The following ADCY3 variants were observed in gnomAD, a reference collection of about 807,000 sequenced individuals.
The protein encoded by ADCY3 is adenylate cyclase 3.
ADCY3 carries 70 observed loss-of-function variants against 119.4 expected under a neutral mutation model. That is an observed-to-expected ratio of 0.59 (90% CI 0.48 to 0.72). ADCY3 has a LOEUF of 0.72. Ranked by LOEUF, ADCY3 falls within the 30% of genes least tolerant of loss-of-function variation. ADCY3 has a pLI of 0.00. For synonymous variants in ADCY3, 672 were observed against 621.4 expected, an observed-to-expected ratio of 1.08 and a Z score of -1.21; for missense variants, 1,238 against 1,541.6, an observed-to-expected ratio of 0.80 and a Z score of 3.30.
At chr2:24,830,647 A>T in intron 13 of ADCY3, 62 bp downstream of exon 13, 1 of 1,362,412 alleles carries the variant, frequency 7.3e-7, no homozygotes, top group Non-Finnish European at 1.0e-6. Context: ...GTGTGACCCA[A>T]ACAGAAGCCC....
intron 21 of ADCY3, 143 bp downstream of exon 21, chr2:24,820,581 T>A (rs914368889): frequency 6.8e-7 from 1 of 1,466,848 alleles, no homozygotes; most frequent in Non-Finnish European, 9.1e-7. Flanking sequence ...ATTGCAGAGA[T>A]TCTTTTCCAC....
intron 3 of ADCY3, among the ~76,000 whole-genome samples, chr2:24,871,295 C>T (rs1410923110): frequency 6.6e-6 from 1 of 152,164 alleles, no homozygotes; most frequent in African/African-American, 2.4e-5. Flanking sequence ...TATACACAGG[C>T]CACAGCAGCT....
At chr2:24,833,970 G>A (rs1474935418) in intron 11 of ADCY3, among the ~76,000 whole-genome samples, 4 of 152,384 alleles carry the variant, frequency 2.6e-5, no homozygotes, top group Non-Finnish European at 5.9e-5. Flanking sequence ...GAGAACAAGA[G>A]AGTGGTCGTC....
At chr2:24,846,599 A>G (rs2148619693) in intron 3 of ADCY3, among the ~76,000 whole-genome samples, 1 of 142,680 alleles carries the variant, frequency 7.0e-6, no homozygotes, top group African/African-American at 2.7e-5. Context: ...TTTTTTTGAG[A>G]CGAAGTCTCG....
Position 24,906,441 on chromosome 2 carries a change from G to A in ADCY3, c.675+11872C>T, listed in dbSNP as rs139417662. Among the ~76,000 whole-genome samples, 714 of 152,324 alleles carry A rather than the reference G, an allele frequency of 4.7e-3. 5 individuals are homozygous for A. Among genetic ancestry groups the A allele is most frequent in the African/African-American group, 0.015 (628 of 41,576 alleles). On this transcript the variant is annotated intron_variant, in intron 2 of 21. Coordinates refer to ENST00000679454, the MANE Select transcript of ADCY3 (RefSeq NM_004036.5). ...AACTACAGGAGGAATGTGTGTTCCA[G>A]AGCACTCAGTGCTGCACCAATGAAA...
chr2:24,897,734 G>A (rs1678445933), intron 2 of ADCY3, among the ~76,000 whole-genome samples: 1 of 152,160 alleles, frequency 6.6e-6, no homozygotes, highest in African/African-American at 2.4e-5. Context: ...CAACAACCCA[G>A]ACTTTTCCAT....
At chr2:24,912,261 A>C (rs1177504192) in intron 2 of ADCY3, among the ~76,000 whole-genome samples, 1 of 151,682 alleles carries the variant, frequency 6.6e-6, no homozygotes, top group Non-Finnish European at 1.5e-5. Flanking sequence ...TCAGGAGTTC[A>C]GGCCCAGCCT....
chr2:24,836,201 C>A (rs1670311640), intron 9 of ADCY3, among the ~76,000 whole-genome samples: 1 of 152,204 alleles, frequency 6.6e-6, no homozygotes, highest in South Asian at 2.1e-4. Flanking sequence ...TGGACCCCCA[C>A]TTTCTATCAA....
chr2:24,871,122 G>A (rs754447696), intron 3 of ADCY3, among the ~76,000 whole-genome samples: 22 of 134,072 alleles, frequency 1.6e-4, no homozygotes, highest in African/African-American at 2.9e-4. Flanking sequence ...CTAGCTAGGC[G>A]GTGACACATG....
Position 24,831,750 on chromosome 2 carries a change from C to T in ADCY3, c.1968-1G>A. ...GAAGGTCACATAGTTTGTCATTAGC[C>T]TGTGACAGAGAGAAGACAATTGGGA... On this transcript the variant is annotated splice_acceptor_variant, in intron 11 of 21. Coordinates refer to ENST00000679454, the MANE Select transcript of ADCY3 (RefSeq NM_004036.5). LOFTEE classifies it high-confidence loss of function. 1.3e-6 allele frequency: 2 copies of T among 1,582,560 alleles called. No homozygotes were observed. The highest frequency in any genetic ancestry group is 1.7e-6 in the Non-Finnish European group (2 of 1,160,498).
Position 24,836,897 on chromosome 2 carries a change from G to T in ADCY3, c.1662+20C>A. On this transcript the variant is annotated intron_variant, in intron 9 of 21. Transcript: ENST00000679454. ...CGCATCTGGCCCTCAGTGACCCCCT[G>T]CCCTGAGCCCTGCACATACCTGGGC... The T allele has an allele frequency of 6.3e-7, 1 of 1,598,990 alleles. No homozygotes were observed. The highest frequency in any genetic ancestry group is 8.5e-7 in the Non-Finnish European group (1 of 1,172,870).
chr2:24,825,960 C>T lies in ADCY3; in HGVS notation c.2577+85G>A. ...GAAGGGAAGCCCCATTCCTTAGGAG[C>T]TTGGGCTCTTAGGTCCCAGGGCTGC... On this transcript the variant is annotated intron_variant, in intron 16 of 21. Coordinates refer to ENST00000679454, the MANE Select transcript of ADCY3 (RefSeq NM_004036.5). 3.0e-6 allele frequency: 4 copies of T among 1,331,586 alleles called. 1 individual carries two copies. The highest frequency in any genetic ancestry group is 2.4e-5 in the South Asian group (2 of 81,930). 82.5% of individuals were successfully genotyped at this position (1,331,586 alleles called of 1,614,324 possible).
intron 3 of ADCY3, among the ~76,000 whole-genome samples, chr2:24,865,013 C>T (rs1674109024): frequency 6.6e-6 from 1 of 152,116 alleles, no homozygotes; most frequent in Admixed American, 6.5e-5. Context: ...ATATTTATTA[C>T]AGCAATGTTT....
chr2:24,839,467 C>G (rs1221626637), intron 7 of ADCY3, among the ~76,000 whole-genome samples: 1 of 152,200 alleles, frequency 6.6e-6, no homozygotes, highest in Non-Finnish European at 1.5e-5. Flanking sequence ...AATCGCACTG[C>G]GACCTGCAAA....
intron 3 of ADCY3, among the ~76,000 whole-genome samples, chr2:24,869,376 T>C (rs7571974): frequency 0.018 from 2,778 of 152,246 alleles, 83 homozygotes; most frequent in African/African-American, 0.062. Context: ...TCCAGGCCTA[T>C]AGGACTTCTT....
chr2:24,911,521 G>A (rs1663642411), intron 2 of ADCY3, among the ~76,000 whole-genome samples: 1 of 151,678 alleles, frequency 6.6e-6, no homozygotes. Context: ...ATGGTGGTGG[G>A]TGCCTGAAAT....
intron 16 of ADCY3, among the ~76,000 whole-genome samples, chr2:24,825,334 C>CGGCG (rs1282144660): frequency 1.1e-3 from 88 of 81,366 alleles, no homozygotes; most frequent in Admixed American, 1.7e-3. Flanking sequence ...GTGGTTGTGG[C>CGGCG]GGGGGGGGGG....
At chr2:24,903,664 G>GGA (rs1679160548) in intron 2 of ADCY3, among the ~76,000 whole-genome samples, 1 of 152,138 alleles carries the variant, frequency 6.6e-6, no homozygotes, top group Non-Finnish European at 1.5e-5. Context: ...GACCCATTAG[G>GGA]CCATCGTGAA....
At position 24,878,206 on chromosome 2, in the gene ADCY3, C is replaced by T. The variant is rs1316632353; in HGVS notation, c.676-5487G>A. ...ATAAACACTTGGACTAAAGTGTCAT[C>T]TAACCCATGACAGCCTGATAAAGTG... On this transcript the variant is annotated intron_variant, in intron 2 of 21. Coordinates refer to ENST00000679454, the MANE Select transcript of ADCY3 (RefSeq NM_004036.5). This position sits in a 1 kb window ranked among gnomAD's most constrained non-coding sequence, Gnocchi z 4.0. 6.6e-6 allele frequency among the ~76,000 whole-genome samples: 1 copy of T among 152,190 alleles called. No individual in the cohort carries two copies. The highest frequency in any genetic ancestry group is 1.5e-5 in the Non-Finnish European group (1 of 68,040).
Sources: allele counts gnomAD v4.1 joint callset (sites outside exome capture counted in the v4.1 genomes callset), GRCh38; gene constraint gnomAD v4.1.1; non-coding constraint Gnocchi (gnomAD v3.1); transcripts MANE v1.5; gene names NCBI Gene and HGNC (gene_info 2026-07-23, HGNC 2026-07-21).